The following KHDRBS3 variants were observed in gnomAD, a reference collection of about 807,000 sequenced individuals.
KHDRBS3 encodes the protein KH domain-containing, RNA-binding, signal transduction-associated protein 3.
KHDRBS3 carries 23 observed loss-of-function variants against 45.6 expected under a neutral mutation model. The ratio of observed to expected loss-of-function variants is 0.50; its 90% CI spans 0.36 to 0.72. The LOEUF (loss-of-function observed/expected upper bound fraction) is 0.72, where lower values mean the gene tolerates loss of function less well. KHDRBS3 is among the 30% of genes least tolerant of loss of function. KHDRBS3 has a pLI of 0.00. For missense variants in KHDRBS3, 352 were observed against 424.8 expected, an observed-to-expected ratio of 0.83 and a Z score of 1.51; for synonymous variants, 162 against 156.5, an observed-to-expected ratio of 1.04 and a Z score of -0.26.
At chr8:135,615,664 A>G (rs1829886808) in intron 7 of KHDRBS3, among the ~76,000 whole-genome samples, 1 of 152,266 alleles carries the variant, frequency 6.6e-6, no homozygotes, top group Admixed American at 6.5e-5. Flanking sequence ...TTAGCATATC[A>G]AACACATGAT....
At chr8:135,561,726 A>G (rs1402952005) in intron 5 of KHDRBS3, among the ~76,000 whole-genome samples, 2 of 152,084 alleles carry the variant, frequency 1.3e-5, no homozygotes, top group East Asian at 3.9e-4. Context: ...GTGGTCTCAT[A>G]AGATTATGAA....
At chr8:135,641,725 A>G (rs10103777) in intron 7 of KHDRBS3, among the ~76,000 whole-genome samples, 131,807 of 152,234 alleles carry the variant, frequency 0.87, 57,166 homozygotes, top group East Asian at 1. Flanking sequence ...GTGGCACTGC[A>G]GGTAAAGGCC....
intron 2 of KHDRBS3, among the ~76,000 whole-genome samples, chr8:135,533,900 A>G (rs1260261921): frequency 2.0e-5 from 3 of 152,234 alleles, no homozygotes; most frequent in Non-Finnish European, 4.4e-5. Context: ...AGCCTGTTTT[A>G]TAATGAAGTC....
In KHDRBS3 at chr8:135,630,936, G is replaced by C. The variant is rs35548388; in HGVS notation, c.891-14123G>C. Among the ~76,000 whole-genome samples the C allele has an allele frequency of 5.3e-3, 799 of 152,172 alleles. 8 individuals carry two copies. The highest frequency in any genetic ancestry group is 0.019 in the Admixed American group (284 of 15,272). On this transcript the variant is annotated intron_variant, in intron 7 of 8. Transcript: ENST00000355849. ...GACTTCATAGACATTGTATGCATAG[G>C]CTACACTGCACATATTAAAAAGTGT...
chr8:135,603,620 A>G (rs1339795864), intron 6 of KHDRBS3, among the ~76,000 whole-genome samples: 2 of 152,210 alleles, frequency 1.3e-5, no homozygotes, highest in East Asian at 3.8e-4. Flanking sequence ...AGTACAAAAC[A>G]TATAGCTCTT....
chr8:135,609,124 A>G (rs556316777), intron 7 of KHDRBS3, among the ~76,000 whole-genome samples: 13 of 152,278 alleles, frequency 8.5e-5, no homozygotes, highest in African/African-American at 2.6e-4. Flanking sequence ...TCTTTCTTCA[A>G]TAGTAAATTA....
At chr8:135,539,630 C>G (rs1247912390) in intron 2 of KHDRBS3, 1 of 152,234 alleles carries the variant, frequency 6.6e-6, no homozygotes, top group East Asian at 1.9e-4. Flanking sequence ...TACTTTCTTA[C>G]TTAATTCATG....
At chr8:135,578,925 G>T (rs997676877) in intron 5 of KHDRBS3, among the ~76,000 whole-genome samples, 2 of 151,980 alleles carry the variant, frequency 1.3e-5, no homozygotes, top group African/African-American at 4.8e-5. Context: ...TGTTAAATTT[G>T]TACCAAAACA....
At chr8:135,513,925 A>G (rs533846460) in intron 1 of KHDRBS3, among the ~76,000 whole-genome samples, 1 of 151,358 alleles carries the variant, frequency 6.6e-6, no homozygotes, top group Non-Finnish European at 1.5e-5. Context: ...CTTTGTACTC[A>G]CTTAACTCTG....
intron 6 of KHDRBS3, among the ~76,000 whole-genome samples, chr8:135,592,921 G>T (rs1363647920): frequency 6.6e-6 from 1 of 152,056 alleles, no homozygotes; most frequent in African/African-American, 2.4e-5. Context: ...TATCTTGGTG[G>T]GCCTCGGTGT....
chr8:135,470,508 G>A (rs186275088), intron 1 of KHDRBS3, among the ~76,000 whole-genome samples: 2 of 151,762 alleles, frequency 1.3e-5, no homozygotes, highest in African/African-American at 4.8e-5. Flanking sequence ...GCCATTAACA[G>A]TCGATTGATT....
intron 6 of KHDRBS3, among the ~76,000 whole-genome samples, chr8:135,595,756 G>T (rs1466490303): frequency 6.6e-6 from 1 of 152,170 alleles, no homozygotes; most frequent in Non-Finnish European, 1.5e-5. Context: ...GCACTTGGAA[G>T]AATGAATGAA....
intron 1 of KHDRBS3, among the ~76,000 whole-genome samples, chr8:135,489,626 C>G (rs997885242): frequency 1.3e-5 from 2 of 151,988 alleles, no homozygotes; most frequent in African/African-American, 4.8e-5. Context: ...TGCAGTGACC[C>G]GAGATTGCGC....
intron 1 of KHDRBS3, among the ~76,000 whole-genome samples, chr8:135,503,670 G>A (rs527667296): frequency 5.3e-5 from 8 of 152,092 alleles, no homozygotes; most frequent in East Asian, 1.9e-4. Context: ...TCTCGGAGAG[G>A]TTAAGTAACT....
chr8:135,513,016 C>T (rs866510903), intron 1 of KHDRBS3, among the ~76,000 whole-genome samples: 4 of 151,802 alleles, frequency 2.6e-5, no homozygotes, highest in South Asian at 2.1e-4. Context: ...ATCGAGACCA[C>T]GGTGAAACCC....
chr8:135,514,085 A>C (rs1290986278), intron 1 of KHDRBS3, among the ~76,000 whole-genome samples: 1 of 152,202 alleles, frequency 6.6e-6, no homozygotes, highest in Non-Finnish European at 1.5e-5. Flanking sequence ...GAGGTTCTGT[A>C]ATTTCAAGCT....
At chr8:135,500,930 G>A (rs1236688762) in intron 1 of KHDRBS3, among the ~76,000 whole-genome samples, 2 of 152,144 alleles carry the variant, frequency 1.3e-5, no homozygotes, top group African/African-American at 4.8e-5. Flanking sequence ...CTCACTAAAG[G>A]ATGTGGTGAC....
intron 1 of KHDRBS3, among the ~76,000 whole-genome samples, chr8:135,512,498 T>G (rs1420544564): frequency 6.6e-6 from 1 of 151,580 alleles, no homozygotes; most frequent in Admixed American, 6.6e-5. Context: ...CAGGCTGATT[T>G]GAATTATTCA....
At chr8:135,642,253 TAGC>T (rs1831091403) in intron 7 of KHDRBS3, among the ~76,000 whole-genome samples, 1 of 152,248 alleles carries the variant, frequency 6.6e-6, no homozygotes, top group East Asian at 1.9e-4. Flanking sequence ...GTTCAGCACA[TAGC>T]AGTGGTAGTG....
Sources: allele counts gnomAD v4.1 joint callset (sites outside exome capture counted in the v4.1 genomes callset), GRCh38; gene constraint gnomAD v4.1.1; transcripts MANE v1.5; gene names NCBI Gene and HGNC (gene_info 2026-07-23, HGNC 2026-07-21).